The following ARHGEF6 variants were observed in gnomAD, a reference collection of about 807,000 sequenced individuals.
ARHGEF6 encodes rho guanine nucleotide exchange factor 6.
Under a neutral mutation model 70.3 loss-of-function variants are expected in ARHGEF6, and 9 were observed. The observed-to-expected ratio is 0.13, with a 90% CI of 0.08 to 0.22. ARHGEF6 has a LOEUF of 0.22. Among genes scored for constraint, ARHGEF6 ranks in the 10% least tolerant of loss-of-function variants. The pLI is 1.00. For synonymous variants in ARHGEF6, 201 were observed against 207.8 expected (o/e 0.97, Z 0.28); for missense variants, 470 against 563.0 (o/e 0.83, Z 1.67).
At chrX:136,750,066 T>A (rs775496584) in intron 2 of ARHGEF6, among the ~76,000 whole-genome samples, 2 of 111,569 alleles carry the variant, frequency 1.8e-5, no homozygotes, top group Non-Finnish European at 3.8e-5. Flanking sequence ...ATGAGCAGTG[T>A]GAGACCAAGT....
At chrX:136,751,130 C>A (rs1373226354) in intron 2 of ARHGEF6, among the ~76,000 whole-genome samples, 1 of 111,701 alleles carries the variant, frequency 9.0e-6, no homozygotes, top group African/African-American at 3.3e-5. Context: ...AGCCACCGCG[C>A]CCAGCCCAGA....
intron 2 of ARHGEF6, among the ~76,000 whole-genome samples, chrX:136,776,005 G>A (rs180951970): frequency 9.0e-6 from 1 of 111,269 alleles, no homozygotes. Flanking sequence ...ATCTCTACAA[G>A]GAAAACTACA....
intron 2 of ARHGEF6, among the ~76,000 whole-genome samples, chrX:136,772,883 CA>C (rs748772448): frequency 9.0e-6 from 1 of 111,216 alleles, no homozygotes; most frequent in African/African-American, 3.3e-5. Flanking sequence ...ACAACAACAA[CA>C]AAAAAAATTG....
intron 19 of ARHGEF6, among the ~76,000 whole-genome samples, 171 bp downstream of exon 19, chrX:136,674,836 A>G (rs2076261934): frequency 8.9e-6 from 1 of 111,846 alleles, no homozygotes; most frequent in South Asian, 3.8e-4. Context: ...ACCGCTTGGT[A>G]GCTAAAACCA....
chrX:136,773,466 G>C (rs1339438798), intron 2 of ARHGEF6, among the ~76,000 whole-genome samples: 1 of 112,040 alleles, frequency 8.9e-6, no homozygotes, highest in Non-Finnish European at 1.9e-5. Context: ...GTGCTCCCCA[G>C]CTCAGCTTTC....
chrX:136,684,432 G>A (rs969844640), intron 12 of ARHGEF6, among the ~76,000 whole-genome samples: 1 of 111,917 alleles, frequency 8.9e-6, no homozygotes, highest in Non-Finnish European at 1.9e-5. Context: ...GTCAGAGAGC[G>A]TAGGAAGATG....
At position 136,686,594 on chromosome X, in the gene ARHGEF6, G is replaced by GTATATATA. The variant is rs770923374; in HGVS notation, c.1246-779_1246-772dup. ...TATATATATGTGTGTGTATGTGTGT[G>GTATATATA]TATATATATATATATATATATATAT... On this transcript the variant is annotated intron_variant, in intron 11 of 21. Transcript: ENST00000250617. Among the ~76,000 whole-genome samples the GTATATATA allele has an allele frequency of 7.1e-3, 405 of 57,093 alleles. 4 individuals carry two copies. The highest frequency in any genetic ancestry group is 0.013 in the East Asian group (25 of 1,959). 49.6% of individuals were successfully genotyped at this position (57,093 alleles called of 115,157 possible).
intron 18 of ARHGEF6, among the ~76,000 whole-genome samples, chrX:136,675,349 GT>G (rs2076269786): frequency 9.3e-6 from 1 of 107,975 alleles, no homozygotes. Context: ...TGGGACCGGG[GT>G]GGGGGGGGCG....
At chrX:136,689,063 G>A (rs1229287180) in intron 10 of ARHGEF6, among the ~76,000 whole-genome samples, 1 of 111,819 alleles carries the variant, frequency 8.9e-6, no homozygotes, top group African/African-American at 3.3e-5. Flanking sequence ...ACAGATTAGG[G>A]GCCTGACCCA....
chrX:136,751,542 T>C (rs751800338), intron 2 of ARHGEF6, among the ~76,000 whole-genome samples: 203 of 111,616 alleles, frequency 1.8e-3, no homozygotes, highest in Non-Finnish European at 3.1e-3. Context: ...CCCAAATTCA[T>C]ATGTTGAAAC....
intron 2 of ARHGEF6, among the ~76,000 whole-genome samples, chrX:136,764,286 C>A (rs781639238): frequency 1.3e-4 from 15 of 111,736 alleles, no homozygotes; most frequent in Admixed American, 7.6e-4. Context: ...ATAAACCCAA[C>A]AGAAATGGGT....
chrX:136,693,477 C>A (rs1346654750), intron 9 of ARHGEF6, among the ~76,000 whole-genome samples: 3 of 111,683 alleles, frequency 2.7e-5, no homozygotes, highest in Non-Finnish European at 5.6e-5. Flanking sequence ...TATTGTTATA[C>A]CAAAGAACAA....
chrX:136,714,999 G>A (rs979233174), intron 6 of ARHGEF6, among the ~76,000 whole-genome samples: 1 of 111,857 alleles, frequency 8.9e-6, no homozygotes, highest in African/African-American at 3.3e-5. Context: ...CCATATCATT[G>A]CCATGACATT....
At chrX:136,753,566 C>G (rs1191803899) in intron 2 of ARHGEF6, among the ~76,000 whole-genome samples, 4 of 111,691 alleles carry the variant, frequency 3.6e-5, no homozygotes, top group Non-Finnish European at 7.5e-5. Flanking sequence ...TGGACTCACA[C>G]TAGCCAAGCT....
chrX:136,728,619 C>T (rs1464695645), intron 6 of ARHGEF6, among the ~76,000 whole-genome samples: 3 of 106,557 alleles, frequency 2.8e-5, no homozygotes, highest in Non-Finnish European at 5.8e-5. Context: ...GCAGGATAGA[C>T]AGGGTGCCCA....
chrX:136,745,191 A>C (rs755790533), intron 4 of ARHGEF6, 32 bp downstream of exon 4: 35 of 1,207,492 alleles, frequency 2.9e-5, no homozygotes, highest in Non-Finnish European at 5.6e-6. Flanking sequence ...TATGGATTTT[A>C]AAACAGACGG....
chrX:136,759,349 T>G (rs1324956181), intron 2 of ARHGEF6, among the ~76,000 whole-genome samples: 1 of 111,824 alleles, frequency 8.9e-6, no homozygotes, highest in Non-Finnish European at 1.9e-5. Context: ...ACCTTAAAGA[T>G]GCCTCTTAAG....
chrX:136,679,660 A>T lies in ARHGEF6; in HGVS notation c.1705T>A (p.Ser569Thr), dbSNP rs1343175637. The T allele has an allele frequency of 4.1e-6, 5 of 1,210,075 alleles. No individual in the cohort carries two copies. In the African/African-American group the frequency reaches 8.7e-5, roughly 21 times the overall value. ...CGGGGCTGTCCGGTAGAGCTAAAAG[A>T]CTGGGAAAATGTCTGATGAGATGTT... ...TSSSSCSAHS[S>T]FSSTGQPRGP... Residue 569 changes from serine to threonine, a missense_variant and splice_region_variant, in exon 16 of 22, where the codon TCT (serine) becomes ACT (threonine). By Grantham distance (58) the Ser-to-Thr change is moderately conservative. This residue lies in a region of ARHGEF6 where 379 missense variants were observed against 449.3 expected (regional missense o/e 0.84). Transcript: ENST00000250617.
At position 136,762,877 on chromosome X, in the gene ARHGEF6, T is replaced by C. The variant is rs1368422688; in HGVS notation, c.250-15285A>G. Among the ~76,000 whole-genome samples the C allele has an allele frequency of 3.6e-5, 4 of 111,656 alleles. No individual in the cohort carries two copies. In the South Asian group the frequency reaches 1.5e-3, roughly 41 times the overall value. ...ATAAGTGGCCAACCAGGTCAGTCCA[T>C]GTCCAAAGCTCAAGCTCATAGTCCC... On this transcript the variant is annotated intron_variant, in intron 2 of 21. Coordinates refer to ENST00000250617, the MANE Select transcript of ARHGEF6 (RefSeq NM_004840.3).
Sources: gnomAD v4.1 joint callset for allele counts (sites outside exome capture counted in the v4.1 genomes callset) on GRCh38, gnomAD v4.1.1 for gene constraint, gnomAD v4.1.1 regional missense constraint, MANE v1.5 for transcripts, NCBI Gene and HGNC (gene_info 2026-07-23, HGNC 2026-07-21) for gene names.